Variants in KCTD19 observed in about 807,000 individuals in gnomAD.
KCTD19 encodes the protein BTB/POZ domain-containing protein KCTD19.
In KCTD19, 67 loss-of-function variants were observed where a neutral mutation model predicts 103.5. The ratio of observed to expected loss-of-function variants is 0.65; its 90% CI spans 0.53 to 0.79. The LOEUF (loss-of-function observed/expected upper bound fraction) is 0.79. Ranked by LOEUF, KCTD19 falls within the 30% of genes least tolerant of loss-of-function variation. KCTD19 has a pLI of 0.00. For synonymous variants in KCTD19, 439 were observed against 452.2 expected (o/e 0.97, Z 0.37); for missense variants, 980 against 1,136.1 (o/e 0.86, Z 1.98).
At position 67,293,511 on chromosome 16, in the gene KCTD19, A is replaced by G. The variant is rs2036723450; in HGVS notation, c.2218+33T>C. On this transcript the variant is annotated intron_variant, in intron 12 of 15. Coordinates refer to ENST00000304372, the MANE Select transcript of KCTD19 (RefSeq NM_001100915.3). This position sits in a 1 kb window ranked among gnomAD's most constrained non-coding sequence, Gnocchi z 4.0. ...AAAGAGTTTGCCTTCTCTGTTGTGA[A>G]TAAGACTTAGATCAAAGGGGGACAG... 1.3e-6 allele frequency: 2 copies of G among 1,598,722 alleles called. No homozygotes were observed. Among genetic ancestry groups the G allele is most frequent in the Non-Finnish European group, 1.7e-6 (2 of 1,171,012 alleles).
intron 12 of KCTD19, among the ~76,000 whole-genome samples, chr16:67,292,997 C>G (rs987868356): frequency 6.6e-6 from 1 of 152,136 alleles, no homozygotes; most frequent in Non-Finnish European, 1.5e-5. Context: ...CAAGTGGCTT[C>G]GAATACCTAG....
At position 67,295,068 on chromosome 16, in the gene KCTD19, A is replaced by G. The variant is rs762891138; in HGVS notation, c.1392-12T>C. ...AGAGGGGCCATTCCCTGCAAACAAC[A>G]AGGAGATATCCAGCTGGGCAGCTAG... On this transcript the variant is annotated splice_polypyrimidine_tract_variant and intron_variant, in intron 9 of 15. Transcript: ENST00000304372. The G allele has an allele frequency of 5.6e-6, 9 of 1,611,260 alleles. 1 individual carries two copies. In the East Asian group the frequency reaches 8.9e-5, roughly 16 times the overall value.
At chr16:67,304,967 G>A (rs1424897393) in intron 2 of KCTD19, among the ~76,000 whole-genome samples, 8 of 152,040 alleles carry the variant, frequency 5.3e-5, no homozygotes, top group Admixed American at 1.3e-4. Context: ...CGCGCCCAGC[G>A]ACTTACTTTA....
Position 67,323,132 on chromosome 16 carries a change from C to T in KCTD19, c.4-2247G>A, listed in dbSNP as rs938215026. Among the ~76,000 whole-genome samples the T allele has an allele frequency of 4.6e-5, 7 of 152,168 alleles. No individual in the cohort carries two copies. The highest frequency in any genetic ancestry group is 9.7e-5 in the African/African-American group (4 of 41,430). On this transcript the variant is annotated intron_variant, in intron 1 of 15. Transcript: ENST00000304372. This position sits in a 1 kb window ranked among gnomAD's most constrained non-coding sequence, Gnocchi z 4.1. ...AAAATGGTGCAGGCACTTTGGAAAA[C>T]AGTTTGGTGGGTCCTGAAAATGTAA...
At position 67,320,726 on chromosome 16, in the gene KCTD19, A is replaced by G; in HGVS notation, c.163T>C (p.Phe55Leu). 6.2e-7 allele frequency: 1 copy of G among 1,614,220 alleles called. No homozygotes were observed. The highest frequency in any genetic ancestry group is 8.5e-7 in the Non-Finnish European group (1 of 1,180,032). ...ALTSSESQRL[F>L]IDRDGSTFRH... ...AATGTGGAACCATCTCTGTCGATAA[A>G]TAGCCTCTGGCTTTCTGAAGAGGTC... The change falls in exon 2 of 16, where the codon TTT becomes CTT. Residue 55 changes from phenylalanine to leucine, a missense_variant. Transcript: ENST00000304372. The surrounding 1 kb of genome is among the most constrained non-coding windows in gnomAD (Gnocchi z 4.0).
intron 3 of KCTD19, 71 bp downstream of exon 3, chr16:67,304,349 GC>G: frequency 6.8e-7 from 1 of 1,470,968 alleles, no homozygotes; most frequent in East Asian, 2.3e-5. Context: ...CTGGATGGAA[GC>G]CACTTCTGTT....
At chr16:67,299,299 A>G in intron 6 of KCTD19, 64 bp downstream of exon 6, 1 of 1,484,312 alleles carries the variant, frequency 6.7e-7, no homozygotes, top group South Asian at 1.1e-5. Context: ...GCCCCAGGTT[A>G]TTCCTAGAGG....
rs2036721583 is a variant in KCTD19 at position 67,293,377 on chromosome 16, A to AG, written c.2218+166_2218+167insC. ...GTGTGTTCTCCTGGCCCCTCCAGCC[A>AG]TGCCAATGTGCCAGTCATTTCTGTG... On this transcript the variant is annotated intron_variant, in intron 12 of 15. Coordinates refer to ENST00000304372, the MANE Select transcript of KCTD19 (RefSeq NM_001100915.3). This position sits in a 1 kb window ranked among gnomAD's most constrained non-coding sequence, Gnocchi z 4.0. Among the ~76,000 whole-genome samples the AG allele has an allele frequency of 6.6e-6, 1 of 152,124 alleles. No homozygotes were observed. Among genetic ancestry groups the AG allele is most frequent in the Non-Finnish European group, 1.5e-5 (1 of 68,034 alleles).
chr16:67,321,639 C>T (rs2037073706), intron 1 of KCTD19: 1 of 152,068 alleles, frequency 6.6e-6, no homozygotes, highest in Admixed American at 6.6e-5. Flanking sequence ...TTTAAGAAGT[C>T]ACATTTCCCA....
At position 67,323,047 on chromosome 16, in the gene KCTD19, T is replaced by C. The variant is rs1305246710; in HGVS notation, c.4-2162A>G. The stretch of plus-strand genomic sequence containing the variant: ...ATTAGTATGGCTACAATGAAAACAA[T>C]AGGTAATAACAAGTGTCGACAAAGA... On this transcript the variant is annotated intron_variant, in intron 1 of 15. Coordinates refer to ENST00000304372, the MANE Select transcript of KCTD19 (RefSeq NM_001100915.3). The surrounding 1 kb of genome is among the most constrained non-coding windows in gnomAD (Gnocchi z 4.1). 1.3e-5 allele frequency among the ~76,000 whole-genome samples: 2 copies of C among 152,070 alleles called. No homozygotes were observed. Among genetic ancestry groups the C allele is most frequent in the African/African-American group, 4.8e-5 (2 of 41,486 alleles).
intron 8 of KCTD19, 27 bp from the exon 9 acceptor site, chr16:67,295,432 G>C (rs771780952): frequency 3.9e-5 from 62 of 1,599,666 alleles, no homozygotes; most frequent in Non-Finnish European, 5.1e-5. Context: ...ACCGGACTCA[G>C]TCTCAGAGGC....
At chr16:67,309,173 G>A (rs1401350764) in intron 2 of KCTD19, among the ~76,000 whole-genome samples, 1 of 151,298 alleles carries the variant, frequency 6.6e-6, no homozygotes, top group African/African-American at 2.4e-5. Context: ...AGAAAAGGAA[G>A]GGCTGGAGGG....
chr16:67,326,194 G>A (rs970343731), intron 1 of KCTD19: 2 of 153,376 alleles, frequency 1.3e-5, no homozygotes, highest in African/African-American at 4.8e-5. Context: ...CCAAAGTGCT[G>A]GGATTACAGG....
chr16:67,305,131 C>A (rs1367827637), intron 2 of KCTD19, among the ~76,000 whole-genome samples: 1 of 152,080 alleles, frequency 6.6e-6, no homozygotes, highest in Admixed American at 6.6e-5. Context: ...AGTAATTTAT[C>A]TTGCACAATC....
intron 2 of KCTD19, among the ~76,000 whole-genome samples, chr16:67,313,630 C>T (rs939587588): frequency 6.6e-6 from 1 of 152,106 alleles, no homozygotes; most frequent in Non-Finnish European, 1.5e-5. Context: ...GCTCTGCTGC[C>T]CAGGCTGGAG....
chr16:67,311,812 C>G (rs575784675), intron 2 of KCTD19, among the ~76,000 whole-genome samples: 3 of 151,954 alleles, frequency 2.0e-5, no homozygotes, highest in Admixed American at 6.6e-5. Flanking sequence ...GATGAGCCAG[C>G]CTGTGAGGAG....
rs542889525 is a variant in KCTD19, at chr16:67,290,271, G to A, written c.2668-589C>T. Among the ~76,000 whole-genome samples, 21 of 148,238 alleles carry A rather than the reference G, an allele frequency of 1.4e-4. No individual in the cohort carries two copies. The East Asian group carries it at 2.2e-3, about 16-fold the overall frequency. The stretch of plus-strand genomic sequence containing the variant: ...CGGCTCACTACAAGCTCCGCCTCCC[G>A]GGTTTACGCCATTCTCCTGCCTCAG... On this transcript the variant is annotated intron_variant, in intron 15 of 15. Coordinates refer to ENST00000304372, the MANE Select transcript of KCTD19 (RefSeq NM_001100915.3).
chr16:67,292,941 C>T (rs904888951), intron 12 of KCTD19, among the ~76,000 whole-genome samples: 2 of 152,244 alleles, frequency 1.3e-5, no homozygotes, highest in African/African-American at 4.8e-5. Context: ...TCCCTCCTTC[C>T]CTCCACTACC....
chr16:67,301,362 G>A (rs2142508325), intron 5 of KCTD19: 1 of 159,362 alleles, frequency 6.3e-6, no homozygotes. Flanking sequence ...GAAGCACTGA[G>A]CATTTCCCAC....
Sources: allele counts gnomAD v4.1 joint callset (sites outside exome capture counted in the v4.1 genomes callset), GRCh38; gene constraint gnomAD v4.1.1; non-coding constraint Gnocchi (gnomAD v3.1); transcripts MANE v1.5; gene names NCBI Gene and HGNC (gene_info 2026-07-23, HGNC 2026-07-21).